ADAM10: variants seen among roughly 807,000 people sequenced by gnomAD.
ADAM10 encodes the protein ADAM metallopeptidase domain 10.
ADAM10 carries 17 observed loss-of-function variants against 90.1 expected under a neutral mutation model. The observed-to-expected ratio is 0.19, with a 90% CI of 0.13 to 0.28. ADAM10 has a LOEUF of 0.28. Among genes scored for constraint, ADAM10 ranks in the 10% least tolerant of loss-of-function variants. The probability of loss-of-function intolerance (pLI) is 1.00; values close to 1 mark genes in which losing one functional copy is unlikely to be tolerated. For synonymous variants in ADAM10, 310 were observed against 298.6 expected, an observed-to-expected ratio of 1.04 and a Z score of -0.40; for missense variants, 610 against 914.3, an observed-to-expected ratio of 0.67 and a Z score of 4.29.
At chr15:58,611,156 C>G (rs200694278) in intron 12 of ADAM10, 49 bp from the exon 13 acceptor site, 1 of 1,389,078 alleles carries the variant, frequency 7.2e-7, no homozygotes, top group Non-Finnish European at 1.0e-6. Context: ...ACAGTCAAAC[C>G]TATTTTTTAT....
chr15:58,717,788 C>A, intron 1 of ADAM10, 61 bp from the exon 2 acceptor site: 2 of 1,567,992 alleles, frequency 1.3e-6, no homozygotes, highest in Non-Finnish European at 1.7e-6. Flanking sequence ...CTAGTTCTAA[C>A]ACGATTATTC....
chr15:58,718,748 C>T (rs558948846), intron 1 of ADAM10, among the ~76,000 whole-genome samples: 1 of 152,248 alleles, frequency 6.6e-6, no homozygotes, highest in South Asian at 2.1e-4. Context: ...CTGATTAGAG[C>T]TCTGCTGAAC....
intron 2 of ADAM10, among the ~76,000 whole-genome samples, chr15:58,688,470 C>A (rs1450453596): frequency 1.3e-5 from 2 of 149,804 alleles, no homozygotes; most frequent in African/African-American, 4.9e-5. Flanking sequence ...GGTAAAAAAA[C>A]CAAACCACTA....
At chr15:58,745,218 T>A (rs764147097) in intron 1 of ADAM10, among the ~76,000 whole-genome samples, 4 of 152,292 alleles carry the variant, frequency 2.6e-5, no homozygotes, top group Non-Finnish European at 4.4e-5. Flanking sequence ...GTTTGTTATA[T>A]GGACATCATC....
chr15:58,620,397 G>A (rs1055090130), intron 11 of ADAM10, among the ~76,000 whole-genome samples: 4 of 151,852 alleles, frequency 2.6e-5, no homozygotes, highest in Admixed American at 6.6e-5. Flanking sequence ...AACCTGGGAG[G>A]CAGAGGTTGC....
At chr15:58,665,567 T>C (rs554516382) in intron 4 of ADAM10, among the ~76,000 whole-genome samples, 1 of 152,106 alleles carries the variant, frequency 6.6e-6, no homozygotes, top group Non-Finnish European at 1.5e-5. Context: ...TTCTGCAGTA[T>C]TCCTGAGCTC....
intron 2 of ADAM10, among the ~76,000 whole-genome samples, chr15:58,684,452 T>C (rs770923721): frequency 2.6e-5 from 4 of 152,304 alleles, no homozygotes; most frequent in Non-Finnish European, 5.9e-5. Context: ...ATTTCAGCCC[T>C]AGCCACTGAC....
At position 58,717,731 on chromosome 15, in the gene ADAM10, T is replaced by C. The variant is rs201004205; in HGVS notation, c.56-4A>G. 8.8e-7 allele frequency: 1 copy of C among 1,138,804 alleles called. No individual in the cohort carries two copies. The highest frequency in any genetic ancestry group is 2.3e-5 in the Admixed American group (1 of 43,060). 70.5% of individuals were successfully genotyped at this position (1,138,804 alleles called of 1,614,324 possible). On this transcript the variant is annotated splice_polypyrimidine_tract_variant and splice_region_variant and intron_variant, in intron 1 of 15. Transcript: ENST00000260408. Reference sequence around the variant, plus strand: ...TTTAAAGGATTCCCATACTGACCTATAAAAAAAAAACAACATTCTGAATTA... The same window carrying C: ...TTTAAAGGATTCCCATACTGACCTACAAAAAAAAAACAACATTCTGAATTA...
In ADAM10 at chr15:58,597,246, C is replaced by A; in HGVS notation, c.*301G>T. The stretch of plus-strand genomic sequence containing the variant: ...AGTTTGCCTGCAAGTGAAGAAAATG[C>A]AGCAACGAAGAACAGGGAACACGGG... On this transcript the variant is annotated 3_prime_UTR_variant, in exon 16 of 16. Transcript: ENST00000260408. 1 of 862,540 alleles carries A rather than the reference C, an allele frequency of 1.2e-6. No homozygotes were observed. The highest frequency in any genetic ancestry group is 1.7e-6 in the Non-Finnish European group (1 of 580,132). 53.4% of individuals were successfully genotyped at this position (862,540 alleles called of 1,614,324 possible). A position where few individuals can be genotyped will look rare whatever the true frequency, so the allele number is the denominator to read the frequency against.
At chr15:58,738,665 CA>C in intron 1 of ADAM10, among the ~76,000 whole-genome samples, 1 of 152,228 alleles carries the variant, frequency 6.6e-6, no homozygotes, top group Non-Finnish European at 1.5e-5. Flanking sequence ...AAATTATATA[CA>C]AAGGGCTGAA....
At chr15:58,749,092 G>C (rs1333586413) in intron 1 of ADAM10, 3 of 398,334 alleles carry the variant, frequency 7.5e-6, no homozygotes, top group Non-Finnish European at 1.3e-5. Flanking sequence ...GAGACCGCCA[G>C]CCTCGCTGCG....
At chr15:58,670,980 T>C (rs1897178405) in intron 4 of ADAM10, among the ~76,000 whole-genome samples, 1 of 152,126 alleles carries the variant, frequency 6.6e-6, no homozygotes, top group African/African-American at 2.4e-5. Flanking sequence ...GTACATTACC[T>C]GTATAAGGTT....
At chr15:58,736,817 T>C (rs1001708023) in intron 1 of ADAM10, among the ~76,000 whole-genome samples, 1 of 152,056 alleles carries the variant, frequency 6.6e-6, no homozygotes, top group East Asian at 1.9e-4. Flanking sequence ...ATCTACGAGA[T>C]AGAGAAAACA....
chr15:58,641,084 A>C, intron 7 of ADAM10, 124 bp from the exon 8 acceptor site: 2 of 916,662 alleles, frequency 2.2e-6, no homozygotes, highest in Non-Finnish European at 3.4e-6. Context: ...GCCTGAATTA[A>C]GGCTTCTAAG....
rs1894844177 is a variant in ADAM10, at chr15:58,592,510, T to C, written c.*5037A>G. 6.6e-6 allele frequency: 1 copy of C among 152,158 alleles called. No individual in the cohort carries two copies. Among genetic ancestry groups the C allele is most frequent in the South Asian group, 2.1e-4 (1 of 4,824 alleles). The allele number at this position is 152,158 out of a possible 1,614,324, so 9.4% of individuals were successfully genotyped here. On this transcript the variant is annotated 3_prime_UTR_variant, in exon 16 of 16. Transcript: ENST00000260408. ...CTTTCTGATCTGGTACAAAACAATG[T>C]TTCCTAGGTTCTTCTTGTACATTTC... is the stretch of plus-strand genomic sequence containing the variant.
intron 10 of ADAM10, among the ~76,000 whole-genome samples, chr15:58,625,339 G>A (rs1298689280): frequency 1.3e-5 from 2 of 152,038 alleles, no homozygotes; most frequent in Non-Finnish European, 2.9e-5. Context: ...TCACTAAAAT[G>A]ACCAAAAAAC....
In ADAM10 at chr15:58,643,314, T is replaced by TA. The variant is rs1348389705; in HGVS notation, c.828+571dup. 2.3e-4 allele frequency among the ~76,000 whole-genome samples: 35 copies of TA among 151,250 alleles called. No individual in the cohort carries two copies. In the East Asian group the frequency reaches 2.3e-3, roughly 10 times the overall value. ...TCTGTTGATGTTAATATATTTTTTC[T>TA]AAAAAAAAAGTTTCATGGTCAAAAA... On this transcript the variant is annotated intron_variant, in intron 7 of 15. Coordinates refer to ENST00000260408, the MANE Select transcript of ADAM10 (RefSeq NM_001110.4).
chr15:58,710,894 C>T (rs1263508651), intron 2 of ADAM10, among the ~76,000 whole-genome samples: 1 of 152,196 alleles, frequency 6.6e-6, no homozygotes, highest in Non-Finnish European at 1.5e-5. Flanking sequence ...ATTTCTGCTA[C>T]CTGACTCATG....
intron 8 of ADAM10, among the ~76,000 whole-genome samples, chr15:58,635,226 G>A (rs1382837178): frequency 1.6e-5 from 2 of 123,008 alleles, no homozygotes; most frequent in Non-Finnish European, 3.1e-5. Flanking sequence ...AGTGAGCAGA[G>A]ATCATGCCAC....
Sources: allele counts gnomAD v4.1 joint callset (sites outside exome capture counted in the v4.1 genomes callset), GRCh38; gene constraint gnomAD v4.1.1; transcripts MANE v1.5; gene names NCBI Gene and HGNC (gene_info 2026-07-23, HGNC 2026-07-21).